The following UGT8 variants were observed in gnomAD, a reference collection of about 807,000 sequenced individuals.
UGT8 encodes 2-hydroxyacylsphingosine 1-beta-galactosyltransferase.
UGT8 carries 12 observed loss-of-function variants against 40.5 expected under a neutral mutation model. That is an observed-to-expected ratio of 0.30 (90% CI 0.19 to 0.48). UGT8 has a LOEUF of 0.48. UGT8 is among the 20% of genes least tolerant of loss of function. The pLI is 0.99. For synonymous variants in UGT8, 224 were observed against 240.4 expected, an observed-to-expected ratio of 0.93 and a Z score of 0.63; for missense variants, 513 against 648.7, an observed-to-expected ratio of 0.79 and a Z score of 2.27.
At position 114,675,977 on chromosome 4, in the gene UGT8, C is replaced by T. The variant is rs767674399; in HGVS notation, c.1315C>T (p.His439Tyr). The T allele has an allele frequency of 1.9e-6, 3 of 1,614,116 alleles. No individual in the cohort carries two copies. The highest frequency in any genetic ancestry group is 2.5e-6 in the Non-Finnish European group (3 of 1,180,016). Residue 439 changes from histidine (H) to tyrosine (Y), a missense_variant, in exon 6 of 6, where the codon CAC becomes TAC. Physicochemically the swap from His to Tyr is moderately conservative, Grantham distance 83. Transcript: ENST00000310836. ...GGAAATTCACAAGGATCAACCTGGT[C>T]ACCCTGTCAATCGAACTATCTATTG... Reference protein sequence around the residue: ...LSEIHKDQPGHPVNRTIYWID... With the variant: ...LSEIHKDQPGYPVNRTIYWID...
At chr4:114,616,003 T>TG (rs931886633) in intron 1 of UGT8, among the ~76,000 whole-genome samples, 7 of 152,178 alleles carry the variant, frequency 4.6e-5, no homozygotes, top group Non-Finnish European at 1.5e-5. Flanking sequence ...GGTGTCAGTC[T>TG]GCCCTTACTG....
intron 1 of UGT8, among the ~76,000 whole-genome samples, chr4:114,617,258 AAAAC>A (rs1418901466): frequency 2.0e-5 from 3 of 152,226 alleles, no homozygotes; most frequent in Non-Finnish European, 4.4e-5. Flanking sequence ...CATCTCAAAC[AAAAC>A]AAACAGACAA....
At chr4:114,646,391 A>G (rs180728358) in intron 2 of UGT8, among the ~76,000 whole-genome samples, 1 of 151,906 alleles carries the variant, frequency 6.6e-6, no homozygotes, top group African/African-American at 2.4e-5. Flanking sequence ...ATATCTATAT[A>G]TATATGCATA....
Position 114,646,838 on chromosome 4 carries a change from C to T in UGT8, c.823-17157C>T, listed in dbSNP as rs568087789. On this transcript the variant is annotated intron_variant, in intron 2 of 5. Coordinates refer to ENST00000310836, the MANE Select transcript of UGT8 (RefSeq NM_001128174.3). ...GGTCAAATTGTTGAGGCCACTGCCACGTTCATGTTGGAGTCATAGTCCTGC... is the reference window on the plus strand; with the variant it reads ...GGTCAAATTGTTGAGGCCACTGCCATGTTCATGTTGGAGTCATAGTCCTGC... Among the ~76,000 whole-genome samples the T allele has an allele frequency of 6.6e-5, 10 of 152,304 alleles. No homozygotes were observed. The South Asian group carries it at 1.9e-3, about 28-fold the overall frequency.
At chr4:114,668,799 C>T (rs1296373675) in intron 5 of UGT8, among the ~76,000 whole-genome samples, 2 of 152,270 alleles carry the variant, frequency 1.3e-5, no homozygotes, top group Non-Finnish European at 2.9e-5. Flanking sequence ...GTTTCCCTAG[C>T]ACTGAGTATT....
intron 2 of UGT8, among the ~76,000 whole-genome samples, chr4:114,631,501 TAAAAG>T (rs1325950004): frequency 6.6e-6 from 1 of 152,158 alleles, no homozygotes; most frequent in Non-Finnish European, 1.5e-5. Flanking sequence ...AAAACAACAA[TAAAAG>T]AAAAGTAATG....
intron 2 of UGT8, among the ~76,000 whole-genome samples, chr4:114,631,131 T>G (rs1173809024): frequency 1.3e-5 from 2 of 152,190 alleles, no homozygotes; most frequent in South Asian, 2.1e-4. Flanking sequence ...TTATACTGAC[T>G]TCTTCCTATA....
At chr4:114,630,270 T>C (rs1034646165) in intron 2 of UGT8, among the ~76,000 whole-genome samples, 2 of 152,240 alleles carry the variant, frequency 1.3e-5, no homozygotes, top group African/African-American at 2.4e-5. Context: ...ACAGGGGCTT[T>C]TTTAGTCAAA....
At position 114,623,277 on chromosome 4, in the gene UGT8, G is replaced by A; in HGVS notation, c.397G>A (p.Asp133Asn). ...LIQGLKKEKF[D>N]LLLVDPNDMC... ...CCAGGGTCTGAAGAAAGAAAAATTT[G>A]ACCTGCTGCTGGTGGACCCTAATGA... is the stretch of plus-strand genomic sequence containing the variant. Residue 133 changes from aspartate to asparagine, a missense_variant, in exon 2 of 6, where the codon GAC becomes AAC. By Grantham distance (23) the Asp-to-Asn change is conservative. Coordinates refer to ENST00000310836, the MANE Select transcript of UGT8 (RefSeq NM_001128174.3). 1 of 1,614,150 alleles carries A rather than the reference G, an allele frequency of 6.2e-7. No homozygotes were observed. The highest frequency in any genetic ancestry group is 1.7e-5 in the Admixed American group (1 of 60,008).
In UGT8 at chr4:114,665,841, G is replaced by A; in HGVS notation, c.1042+85G>A. ...CTTTTTTTTTTTTTTTACTTCAGAG[G>A]TTCATACGGTATACGGTATGTATGT... On this transcript the variant is annotated intron_variant, in intron 4 of 5. Coordinates refer to ENST00000310836, the MANE Select transcript of UGT8 (RefSeq NM_001128174.3). 6.6e-6 allele frequency: 7 copies of A among 1,054,634 alleles called. 1 individual carries two copies. In the South Asian group the frequency reaches 9.1e-5, roughly 14 times the overall value. The allele number at this position is 1,054,634 out of a possible 1,614,324, so 65.3% of individuals were successfully genotyped here.
chr4:114,659,628 A>G (rs1734397153), intron 2 of UGT8, among the ~76,000 whole-genome samples: 1 of 152,186 alleles, frequency 6.6e-6, no homozygotes, highest in Admixed American at 6.5e-5. Context: ...TCTACGTACA[A>G]GACGATGCAA....
intron 4 of UGT8, among the ~76,000 whole-genome samples, chr4:114,667,386 A>G (rs894049368): frequency 4.6e-5 from 7 of 152,202 alleles, no homozygotes; most frequent in African/African-American, 1.7e-4. Context: ...AATGTAGGCC[A>G]TTTACCAGGA....
At chr4:114,665,805 C>A (rs757264954) in intron 4 of UGT8, 49 bp downstream of exon 4, 31 of 1,402,120 alleles carry the variant, frequency 2.2e-5, no homozygotes, top group Middle Eastern at 1.9e-4. Context: ...GTTTTAATTA[C>A]ATAAATGTGA....
intron 5 of UGT8, among the ~76,000 whole-genome samples, chr4:114,671,061 A>G (rs1435343725): frequency 6.6e-6 from 1 of 152,152 alleles, no homozygotes; most frequent in Non-Finnish European, 1.5e-5. Context: ...CCATTCAGCA[A>G]TCACTACAAA....
intron 2 of UGT8, among the ~76,000 whole-genome samples, chr4:114,629,373 T>A (rs1732436297): frequency 6.6e-6 from 1 of 152,198 alleles, no homozygotes. Context: ...TTAACTAGAA[T>A]GTGAGTACCT....
intron 1 of UGT8, among the ~76,000 whole-genome samples, chr4:114,609,815 C>A (rs1180960804): frequency 6.6e-6 from 1 of 152,128 alleles, no homozygotes. Context: ...ACTACTCCAT[C>A]CAAAGGGAGA....
In UGT8 at chr4:114,656,756, AT is replaced by A. The variant is rs761768865; in HGVS notation, c.823-7236del. 6 of 518,424 alleles carry A rather than the reference AT, an allele frequency of 1.2e-5. No individual in the cohort carries two copies. In the Admixed American group the frequency reaches 1.2e-4, roughly 10 times the overall value. The allele number at this position is 518,424 out of a possible 1,614,324, so 32.1% of individuals were successfully genotyped here. A position where few individuals can be genotyped will look rare whatever the true frequency, so the allele number is the denominator to read the frequency against. On this transcript the variant is annotated intron_variant, in intron 2 of 5. Coordinates refer to ENST00000310836, the MANE Select transcript of UGT8 (RefSeq NM_001128174.3). Reference sequence around the variant, plus strand: ...GTTTCAGGCACCCAAGGCAGGCTGTATTTGGGGGAGTGAAGAGTAGATAAAA... The same window carrying A: ...GTTTCAGGCACCCAAGGCAGGCTGTATTGGGGGAGTGAAGAGTAGATAAAA...
At chr4:114,638,936 A>G (rs1325705400) in intron 2 of UGT8, among the ~76,000 whole-genome samples, 2 of 152,222 alleles carry the variant, frequency 1.3e-5, no homozygotes, top group African/African-American at 2.4e-5. Flanking sequence ...GGATCTTAGT[A>G]GAGAATATTT....
intron 5 of UGT8, among the ~76,000 whole-genome samples, chr4:114,672,812 C>A (rs752993919): frequency 2.0e-5 from 3 of 152,124 alleles, no homozygotes; most frequent in Non-Finnish European, 4.4e-5. Flanking sequence ...AACAACAAAA[C>A]CCCCCAAAAG....
Sources: gnomAD v4.1 joint callset for allele counts (sites outside exome capture counted in the v4.1 genomes callset) on GRCh38, gnomAD v4.1.1 for gene constraint, MANE v1.5 for transcripts, NCBI Gene and HGNC (gene_info 2026-07-23, HGNC 2026-07-21) for gene names.